The following DYRK4 variants were observed in gnomAD, a reference collection of about 807,000 sequenced individuals.
DYRK4 encodes the protein dual specificity tyrosine phosphorylation regulated kinase 4.
In DYRK4, 64 loss-of-function variants were observed where a neutral mutation model predicts 68.3. The observed-to-expected ratio is 0.94, with a 90% confidence interval of 0.77 to 1.15. DYRK4 has a LOEUF of 1.15. Among genes scored for constraint, DYRK4 ranks in the 50% most tolerant of loss-of-function variants. The pLI is 0.00. For synonymous variants in DYRK4, 274 were observed against 289.9 expected, an observed-to-expected ratio of 0.95 and a Z score of 0.56; for missense variants, 740 against 764.7, an observed-to-expected ratio of 0.97 and a Z score of 0.38.
intron 2 of DYRK4, among the ~76,000 whole-genome samples, chr12:4,570,198 G>A (rs1278912607): frequency 4.0e-5 from 6 of 151,832 alleles, no homozygotes; most frequent in Non-Finnish European, 7.4e-5. Flanking sequence ...CCGTGCTTGC[G>A]CCACTGCATC....
intron 10 of DYRK4, chr12:4,602,383 C>A (rs1338523769): frequency 2.2e-6 from 2 of 910,458 alleles, no homozygotes; most frequent in African/African-American, 1.7e-5. Context: ...TTTTGTAGTT[C>A]TTTCTGTCAA....
At chr12:4,610,071 A>G in intron 12 of DYRK4, 84 bp from the exon 13 acceptor site, 1 of 1,296,178 alleles carries the variant, frequency 7.7e-7, no homozygotes, top group South Asian at 1.6e-5. Flanking sequence ...CAAAAGAGCT[A>G]CAGAGGCCAC....
chr12:4,590,089 T>C (rs963789477), intron 3 of DYRK4: 19 of 1,227,358 alleles, frequency 1.5e-5, no homozygotes, highest in Admixed American at 4.2e-5. Flanking sequence ...GTGTGAGCTG[T>C]TGAAAGCCTG....
intron 2 of DYRK4, among the ~76,000 whole-genome samples, chr12:4,587,822 C>A (rs527858074): frequency 6.6e-6 from 1 of 152,292 alleles, no homozygotes; most frequent in African/African-American, 2.4e-5. Context: ...GTTGTTATTT[C>A]AGTGTGGCCA....
intron 2 of DYRK4, among the ~76,000 whole-genome samples, chr12:4,587,961 A>G (rs1944914058): frequency 6.6e-6 from 1 of 152,270 alleles, no homozygotes; most frequent in African/African-American, 2.4e-5. Context: ...CTTCGATTCA[A>G]GCTCTAGCCT....
intron 11 of DYRK4, among the ~76,000 whole-genome samples, chr12:4,606,174 T>C (rs1945147569): frequency 6.6e-6 from 1 of 152,230 alleles, no homozygotes; most frequent in Non-Finnish European, 1.5e-5. Context: ...CCATCTTGTT[T>C]TGGAAATAAA....
chr12:4,613,393 A>G lies in DYRK4; in HGVS notation c.1667-122A>G. 1.5e-6 allele frequency: 2 copies of G among 1,302,508 alleles called. No homozygotes were observed. The highest frequency in any genetic ancestry group is 1.6e-5 in the South Asian group (1 of 62,648). 80.7% of individuals were successfully genotyped at this position (1,302,508 alleles called of 1,614,324 possible). A position where few individuals can be genotyped will look rare whatever the true frequency, so the allele number is the denominator to read the frequency against. On this transcript the variant is annotated intron_variant, in intron 14 of 14. Coordinates refer to ENST00000543431, the MANE Select transcript of DYRK4 (RefSeq NM_001394779.1). This position sits in a 1 kb window ranked among gnomAD's most constrained non-coding sequence, Gnocchi z 4.0. ...CCGGCACATTGGAGGTGCTTTACAA[A>G]TGAACTGTTTTTATATCATCACGGT...
chr12:4,571,554 A>G (rs949908453), intron 2 of DYRK4, among the ~76,000 whole-genome samples: 3 of 152,202 alleles, frequency 2.0e-5, no homozygotes, highest in Non-Finnish European at 2.9e-5. Flanking sequence ...AAAATGATGT[A>G]TTAGTAATTT....
intron 1 of DYRK4, among the ~76,000 whole-genome samples, chr12:4,565,067 T>C (rs1342924680): frequency 6.6e-6 from 1 of 152,240 alleles, no homozygotes; most frequent in African/African-American, 2.4e-5. Context: ...AAAGGAACAT[T>C]CACTCTAGCT....
chr12:4,587,066 C>T lies in DYRK4; in HGVS notation c.133-1871C>T, dbSNP rs193237532. Among the ~76,000 whole-genome samples the T allele has an allele frequency of 8.5e-5, 13 of 152,328 alleles. No homozygotes were observed. The East Asian group carries it at 1.7e-3, about 20-fold the overall frequency. ...TGAGCATTATTTTATCACATTGCTG[C>T]TGATGGGGTCTTTCTGAAATACTGC... On this transcript the variant is annotated intron_variant, in intron 2 of 14. Coordinates refer to ENST00000543431, the MANE Select transcript of DYRK4 (RefSeq NM_001394779.1).
chr12:4,586,733 G>C (rs4994716), intron 2 of DYRK4, among the ~76,000 whole-genome samples: 9 of 74,046 alleles, frequency 1.2e-4, no homozygotes, highest in African/African-American at 3.9e-4. Flanking sequence ...CACACACACA[G>C]ACACACACAC....
intron 2 of DYRK4, among the ~76,000 whole-genome samples, chr12:4,586,481 C>G (rs1031112911): frequency 1.3e-5 from 2 of 152,140 alleles, no homozygotes; most frequent in Non-Finnish European, 2.9e-5. Context: ...AGAGCACACC[C>G]GCTTCCTTTT....
Position 4,591,639 on chromosome 12 carries a change from G to A in DYRK4, c.463+341G>A, listed in dbSNP as rs1591797735. The A allele has an allele frequency of 1.2e-5, 3 of 252,766 alleles. No individual in the cohort carries two copies. The highest frequency in any genetic ancestry group is 1.6e-4 in the East Asian group (2 of 12,782). The allele number at this position is 252,766 out of a possible 1,614,324, so 15.7% of individuals were successfully genotyped here. A position where few individuals can be genotyped will look rare whatever the true frequency, so the allele number is the denominator to read the frequency against. ...GCCAGCGGGAAGGCACTGAGAGAGT[G>A]GAAGAGCCAGGAGTGGAAAGGTACT... On this transcript the variant is annotated intron_variant, in intron 5 of 14. Coordinates refer to ENST00000543431, the MANE Select transcript of DYRK4 (RefSeq NM_001394779.1). The surrounding 1 kb of genome is among the most constrained non-coding windows in gnomAD (Gnocchi z 4.1).
intron 1 of DYRK4, among the ~76,000 whole-genome samples, chr12:4,565,038 AC>A: frequency 1.3e-5 from 2 of 152,290 alleles, no homozygotes; most frequent in East Asian, 3.9e-4. Flanking sequence ...GAATGGCCAA[AC>A]TTTTGGTTTC....
intron 9 of DYRK4, 109 bp downstream of exon 9, chr12:4,599,275 T>G (rs67444003): frequency 0.021 from 13,440 of 641,878 alleles, 87 homozygotes; most frequent in South Asian, 0.043. Flanking sequence ...TTTGACTTTT[T>G]TTTTTTTTTT....
chr12:4,582,134 A>C (rs1282811810), intron 2 of DYRK4, among the ~76,000 whole-genome samples: 1 of 152,202 alleles, frequency 6.6e-6, no homozygotes. Flanking sequence ...CTTTGAGATA[A>C]GACCCAGGTC....
At chr12:4,590,176 T>G in intron 3 of DYRK4, 154 bp from the exon 4 acceptor site, 1 of 1,393,488 alleles carries the variant, frequency 7.2e-7, no homozygotes, top group African/African-American at 1.5e-5. Context: ...GGAATCTGCA[T>G]TTCTTGCCAA....
intron 2 of DYRK4, among the ~76,000 whole-genome samples, chr12:4,572,196 C>T (rs1202526699): frequency 6.6e-6 from 1 of 152,124 alleles, no homozygotes; most frequent in Non-Finnish European, 1.5e-5. Context: ...CTGAATAGAC[C>T]AGTGGTTTCT....
chr12:4,593,063 C>G lies in DYRK4; in HGVS notation c.525C>G (p.Tyr175Ter). The G allele has an allele frequency of 6.2e-7, 1 of 1,614,176 alleles. No individual in the cohort carries two copies. Among genetic ancestry groups the G allele is most frequent in the South Asian group, 1.1e-5 (1 of 91,078 alleles). Residue 175 changes from tyrosine (Y) to a stop codon, truncating the protein, a stop_gained, in exon 6 of 15, where the codon TAC (tyrosine) becomes TAG (stop). Transcript: ENST00000543431. LOFTEE classifies it high-confidence loss of function. Reference protein sequence around the residue: ...SPYEQSEILGYAELWFLGLEA... With the variant: ...SPYEQSEILG Reference sequence around the variant, plus strand: ...ATGAACAAAGTGAAATCCTGGGCTACGCGGAGCTGTGGTTCCTGGGTCTTG... The same window carrying G: ...ATGAACAAAGTGAAATCCTGGGCTAGGCGGAGCTGTGGTTCCTGGGTCTTG...
Sources: allele counts gnomAD v4.1 joint callset (sites outside exome capture counted in the v4.1 genomes callset), GRCh38; gene constraint gnomAD v4.1.1; non-coding constraint Gnocchi (gnomAD v3.1); transcripts MANE v1.5; gene names NCBI Gene and HGNC (gene_info 2026-07-23, HGNC 2026-07-21).